Variants in FILIP1 observed in about 807,000 individuals in gnomAD.
FILIP1 encodes the protein filamin A interacting protein 1, also known as filamin-A-interacting protein 1.
FILIP1 carries 61 observed loss-of-function variants against 102.1 expected under a neutral mutation model. The observed-to-expected ratio is 0.60, with a 90% confidence interval of 0.49 to 0.74. FILIP1 has a LOEUF of 0.74. FILIP1 is among the 30% of genes least tolerant of loss of function. The probability of loss-of-function intolerance (pLI) is 0.00; values close to 1 mark genes in which losing one functional copy is unlikely to be tolerated. For synonymous variants in FILIP1, 491 were observed against 526.9 expected (o/e 0.93, Z 0.93); for missense variants, 1,314 against 1,441.2 (o/e 0.91, Z 1.43).
intron 4 of FILIP1, among the ~76,000 whole-genome samples, chr6:75,322,671 T>A (rs995643294): frequency 6.6e-6 from 1 of 152,236 alleles, no homozygotes; most frequent in African/African-American, 2.4e-5. Context: ...AATGTATTCT[T>A]AATTTCTTAT....
chr6:75,397,015 T>A (rs1185354707), intron 2 of FILIP1, among the ~76,000 whole-genome samples: 3 of 87,224 alleles, frequency 3.4e-5, no homozygotes, highest in African/African-American at 1.4e-4. Flanking sequence ...GGGCCTATTG[T>A]GGGGTGGGGG....
intron 4 of FILIP1, among the ~76,000 whole-genome samples, chr6:75,332,043 G>C (rs746871159): frequency 1.3e-5 from 2 of 152,096 alleles, no homozygotes; most frequent in Non-Finnish European, 2.9e-5. Flanking sequence ...TGACTGTGCT[G>C]GCACCCTGAT....
At chr6:75,448,027 A>G (rs571018803) in intron 1 of FILIP1, among the ~76,000 whole-genome samples, 5 of 152,292 alleles carry the variant, frequency 3.3e-5, no homozygotes, top group East Asian at 1.9e-4. Context: ...TGTTCCCTAC[A>G]TATAGAATAA....
At chr6:75,348,666 C>T (rs1223169281) in intron 4 of FILIP1, among the ~76,000 whole-genome samples, 1 of 152,146 alleles carries the variant, frequency 6.6e-6, no homozygotes, top group African/African-American at 2.4e-5. Context: ...AGTGGCAAAA[C>T]GAGGGAGTTA....
intron 1 of FILIP1, among the ~76,000 whole-genome samples, chr6:75,442,743 G>GGGGAGA (rs998473592): frequency 2.0e-5 from 3 of 152,144 alleles, no homozygotes; most frequent in African/African-American, 4.8e-5. Flanking sequence ...GGGAGACCGT[G>GGGGAGA]GGGAGAGGGA....
chr6:75,383,792 G>A (rs572982095), intron 2 of FILIP1, among the ~76,000 whole-genome samples: 1 of 151,900 alleles, frequency 6.6e-6, no homozygotes, highest in African/African-American at 2.4e-5. Flanking sequence ...TGTAAATGAG[G>A]GCTCTGAGGC....
intron 2 of FILIP1, among the ~76,000 whole-genome samples, chr6:75,389,072 T>A (rs757971664): frequency 6.6e-6 from 1 of 152,226 alleles, no homozygotes; most frequent in Non-Finnish European, 1.5e-5. Context: ...TGAGAGTTTT[T>A]AGCATGAAGG....
intron 2 of FILIP1, among the ~76,000 whole-genome samples, chr6:75,390,821 A>C (rs1019244993): frequency 6.6e-6 from 1 of 151,978 alleles, no homozygotes; most frequent in South Asian, 2.1e-4. Flanking sequence ...TTCTTTGAAG[A>C]TTTTTGCCTC....
chr6:75,308,019 T>G, downstream of FILIP1: 1 of 984,536 alleles, frequency 1.0e-6, no homozygotes, highest in Non-Finnish European at 1.2e-6. Context: ...ATTCTGGGAA[T>G]CTTATGGAGG....
chr6:75,432,057 T>C (rs924249942), intron 1 of FILIP1, among the ~76,000 whole-genome samples: 1 of 152,230 alleles, frequency 6.6e-6, no homozygotes, highest in Non-Finnish European at 1.5e-5. Flanking sequence ...TTCACCTAGA[T>C]TGTAAACTAG....
chr6:75,461,975 A>G lies in FILIP1; in HGVS notation c.-7+31439T>C, dbSNP rs151011294. Among the ~76,000 whole-genome samples the G allele has an allele frequency of 2.5e-3, 384 of 152,300 alleles. 3 individuals carry two copies. Among genetic ancestry groups the G allele is most frequent in the African/African-American group, 8.4e-3 (351 of 41,562 alleles). The stretch of plus-strand genomic sequence containing the variant: ...AAAGTGAGGCATGAAAAGCAAAGGC[A>G]TGGCTGCCCCAGGCCATCCAGATGT... On this transcript the variant is annotated intron_variant, in intron 1 of 5. Coordinates refer to ENST00000237172, the MANE Select transcript of FILIP1 (RefSeq NM_015687.5).
rs576033439 is a variant in FILIP1, at chr6:75,467,996, G to A, written c.-7+25418C>T. ...CAGGAGTTATTGCTTCCAGCTGGGAGTCAAAGGTATGGAAGCTTGAATCAG... is the reference window on the plus strand; with the variant it reads ...CAGGAGTTATTGCTTCCAGCTGGGAATCAAAGGTATGGAAGCTTGAATCAG... On this transcript the variant is annotated intron_variant, in intron 1 of 5. Coordinates refer to ENST00000237172, the MANE Select transcript of FILIP1 (RefSeq NM_015687.5). 1.4e-4 allele frequency among the ~76,000 whole-genome samples: 21 copies of A among 152,290 alleles called. No homozygotes were observed. In the East Asian group the frequency reaches 3.7e-3, roughly 27 times the overall value.
rs118015108 is a variant in FILIP1 at position 75,336,424 on chromosome 6, C to G, written c.629+17115G>C. Reference sequence around the variant, plus strand: ...GCCCACAATATATAATATGTTTCTGCACAGTTTAATGTTGATGATGGTAGG... The same window carrying G: ...GCCCACAATATATAATATGTTTCTGGACAGTTTAATGTTGATGATGGTAGG... On this transcript the variant is annotated intron_variant, in intron 4 of 5. Transcript: ENST00000237172. 8.1e-3 allele frequency among the ~76,000 whole-genome samples: 1,233 copies of G among 151,980 alleles called. 15 individuals are homozygous for G. The highest frequency in any genetic ancestry group is 0.017 in the Middle Eastern group (5 of 294).
intron 3 of FILIP1, among the ~76,000 whole-genome samples, chr6:75,361,414 A>T (rs577627659): frequency 6.6e-6 from 1 of 152,122 alleles, no homozygotes; most frequent in African/African-American, 2.4e-5. Context: ...AATAATTCAG[A>T]AGCCCAAATG....
At chr6:75,337,106 G>C (rs140176536) in intron 4 of FILIP1, among the ~76,000 whole-genome samples, 29 of 151,722 alleles carry the variant, frequency 1.9e-4, no homozygotes, top group African/African-American at 6.5e-4. Flanking sequence ...TTTTTTCTAT[G>C]AATCATATAC....
At chr6:75,479,762 G>A (rs1389012771) in intron 1 of FILIP1, among the ~76,000 whole-genome samples, 4 of 150,282 alleles carry the variant, frequency 2.7e-5, no homozygotes, top group African/African-American at 9.8e-5. Context: ...CCAGCTCCTC[G>A]CGAGGCTGAG....
chr6:75,357,846 A>G (rs940403586), intron 3 of FILIP1, among the ~76,000 whole-genome samples: 1 of 152,214 alleles, frequency 6.6e-6, no homozygotes, highest in Non-Finnish European at 1.5e-5. Context: ...TGGCTTGTCC[A>G]GAGGCTCTGA....
intron 1 of FILIP1, among the ~76,000 whole-genome samples, chr6:75,492,350 GATAGA>G (rs1453022916): frequency 6.6e-6 from 1 of 152,016 alleles, no homozygotes; most frequent in African/African-American, 2.4e-5. Context: ...TCTTTACATT[GATAGA>G]ATAGACTTTA....
intron 4 of FILIP1, among the ~76,000 whole-genome samples, chr6:75,318,126 G>GA (rs1428675256): frequency 6.6e-6 from 1 of 150,952 alleles, no homozygotes; most frequent in Non-Finnish European, 1.5e-5. Context: ...GAATGTTCCT[G>GA]GATAGCTTTT....
Sources: allele counts gnomAD v4.1 joint callset (sites outside exome capture counted in the v4.1 genomes callset), GRCh38; gene constraint gnomAD v4.1.1; transcripts MANE v1.5; gene names NCBI Gene and HGNC (gene_info 2026-07-23, HGNC 2026-07-21).